Variants in CPEB2 observed in about 807,000 individuals in gnomAD.
CPEB2 encodes the protein cytoplasmic polyadenylation element binding protein 2, also known as cytoplasmic polyadenylation element-binding protein 2.
In CPEB2, 56 loss-of-function variants were observed where a neutral mutation model predicts 93.6. The observed-to-expected ratio is 0.60, with a 90% CI of 0.48 to 0.75. The LOEUF (loss-of-function observed/expected upper bound fraction) is 0.75. Ranked by LOEUF, CPEB2 falls within the 30% of genes least tolerant of loss-of-function variation. The probability of loss-of-function intolerance (pLI) is 0.00; values close to 1 mark genes in which losing one functional copy is unlikely to be tolerated. For synonymous variants in CPEB2, 764 were observed against 586.3 expected (o/e 1.30, Z -4.38); for missense variants, 1,579 against 1,395.1 (o/e 1.13, Z -2.10).
intron 3 of CPEB2, 114 bp from the exon 4 acceptor site, chr4:15,017,070 GATTA>G (rs1348411221): frequency 9.2e-5 from 58 of 631,066 alleles, no homozygotes; most frequent in Admixed American, 2.3e-4. Flanking sequence ...GTGGGATACA[GATTA>G]ATTAGTAATA....
In CPEB2 at chr4:15,004,089, C is replaced by A; in HGVS notation, c.1416C>A (p.Gly472=). 2 of 1,562,972 alleles carry A rather than the reference C, an allele frequency of 1.3e-6. No homozygotes were observed. Residue 472 remains glycine (G), a synonymous_variant, in exon 1 of 12, where the codon GGC becomes GGA. Transcript: ENST00000538197. ...FPSFSPVSPH[G]CTGLSVPTSG... The stretch of plus-strand genomic sequence containing the variant: ...GCTTCTCGCCCGTGTCGCCGCACGG[C>A]TGCACTGGGCTCAGCGTTCCGACGA...
intron 5 of CPEB2, among the ~76,000 whole-genome samples, chr4:15,039,924 T>C (rs988194146): frequency 6.6e-6 from 1 of 152,172 alleles, no homozygotes; most frequent in African/African-American, 2.4e-5. Context: ...CTGTCTAATC[T>C]GTACAGGCTT....
Position 15,003,305 on chromosome 4 carries a change from C to T in CPEB2, c.632C>T (p.Pro211Leu). 7.0e-7 allele frequency: 1 copy of T among 1,435,648 alleles called. No homozygotes were observed. The highest frequency in any genetic ancestry group is 9.0e-7 in the Non-Finnish European group (1 of 1,108,170). The allele number at this position is 1,435,648 out of a possible 1,614,324, so 88.9% of individuals were successfully genotyped here. The change falls in exon 1 of 12, where the codon CCG becomes CTG. Residue 211 changes from proline to leucine, a missense_variant. By Grantham distance (98) the Pro-to-Leu change is moderately conservative (BLOSUM62 -3). Coordinates refer to ENST00000538197, the MANE Select transcript of CPEB2 (RefSeq NM_001177382.2). Reference protein sequence around the residue: ...PLHCPGRFSPPPPPAGPLLQP... With the variant: ...PLHCPGRFSPLPPPAGPLLQP... ...CACTGCCCCGGTCGGTTCAGCCCGC[C>T]GCCGCCGCCAGCCGGCCCGCTCCTC...
intron 6 of CPEB2, among the ~76,000 whole-genome samples, chr4:15,042,077 A>G (rs1248382905): frequency 2.0e-5 from 3 of 152,196 alleles, no homozygotes; most frequent in Admixed American, 6.5e-5. Flanking sequence ...AATTTTAGTA[A>G]TGGAGCTTCA....
In CPEB2 at chr4:15,069,767, C is replaced by G. The variant is rs1279319496; in HGVS notation, c.*3387C>G. The stretch of plus-strand genomic sequence containing the variant: ...TATTAAAGCAACTAGTTTCTAATTC[C>G]CAGTTTCTGTATAGAATCGCACAAG... On this transcript the variant is annotated 3_prime_UTR_variant, in exon 12 of 12. Coordinates refer to ENST00000538197, the MANE Select transcript of CPEB2 (RefSeq NM_001177382.2). The G allele has an allele frequency of 6.6e-6, 1 of 151,828 alleles. No homozygotes were observed. The highest frequency in any genetic ancestry group is 2.4e-5 in the African/African-American group (1 of 41,280). The allele number at this position is 151,828 out of a possible 1,614,324, so 9.4% of individuals were successfully genotyped here. A position where few individuals can be genotyped will look rare whatever the true frequency, so the allele number is the denominator to read the frequency against.
At position 15,002,548 on chromosome 4, in the gene CPEB2, G is replaced by C; in HGVS notation, c.-126G>C. ...GCCGAAGTCGGTGCCCCCTGGCTCA[G>C]TCACGGTGTCCCTCTCTCACTGACT... On this transcript the variant is annotated 5_prime_UTR_variant, in exon 1 of 12. Coordinates refer to ENST00000538197, the MANE Select transcript of CPEB2 (RefSeq NM_001177382.2). 1 of 746,750 alleles carries C rather than the reference G, an allele frequency of 1.3e-6. No individual in the cohort carries two copies. Among genetic ancestry groups the C allele is most frequent in the African/African-American group, 1.9e-5 (1 of 53,410 alleles). The allele number at this position is 746,750 out of a possible 1,614,324, so 46.3% of individuals were successfully genotyped here. A position where few individuals can be genotyped will look rare whatever the true frequency, so the allele number is the denominator to read the frequency against.
chr4:15,052,728 T>G (rs1728345534), intron 7 of CPEB2, 144 bp downstream of exon 7: 1 of 454,318 alleles, frequency 2.2e-6, no homozygotes, highest in South Asian at 7.6e-5. Context: ...TTTAAAATAC[T>G]TTATCACCTG....
In CPEB2 at chr4:15,062,704, C is replaced by T. The variant is rs893362903; in HGVS notation, c.2877+444C>T. 2.0e-5 allele frequency among the ~76,000 whole-genome samples: 3 copies of T among 152,064 alleles called. No homozygotes were observed. In the East Asian group the frequency reaches 5.8e-4, roughly 29 times the overall value. The stretch of plus-strand genomic sequence containing the variant: ...AAATGAATTTACATATATATAAGCA[C>T]TTAGAATAGAACTTGACGGAGAGTG... On this transcript the variant is annotated intron_variant, in intron 11 of 11. Transcript: ENST00000538197.
chr4:15,065,839 C>T (rs1046929741), intron 11 of CPEB2, among the ~76,000 whole-genome samples: 3 of 152,058 alleles, frequency 2.0e-5, no homozygotes, highest in Non-Finnish European at 4.4e-5. Flanking sequence ...GGTGTGGAAA[C>T]TGTCTTCCAT....
chr4:15,060,676 A>G (rs1188401659), intron 10 of CPEB2, among the ~76,000 whole-genome samples: 1 of 152,134 alleles, frequency 6.6e-6, no homozygotes, highest in Non-Finnish European at 1.5e-5. Context: ...CACCATTCAG[A>G]GCTCCCAAAT....
intron 3 of CPEB2, among the ~76,000 whole-genome samples, chr4:15,013,116 C>A (rs1723697801): frequency 6.6e-6 from 1 of 151,660 alleles, no homozygotes. Flanking sequence ...TGTTTTTCAG[C>A]CTTTCTAAGC....
intron 3 of CPEB2, among the ~76,000 whole-genome samples, chr4:15,014,798 C>A (rs1235281815): frequency 6.6e-6 from 1 of 151,950 alleles, no homozygotes; most frequent in Non-Finnish European, 1.5e-5. Flanking sequence ...TTTAGTGGGA[C>A]AGACAGGAAA....
At chr4:15,060,138 G>A (rs1220232016) in intron 10 of CPEB2, among the ~76,000 whole-genome samples, 1 of 152,142 alleles carries the variant, frequency 6.6e-6, no homozygotes, top group Non-Finnish European at 1.5e-5. Context: ...TCACAGAAAG[G>A]GAACAGCTTA....
rs374334724 is a variant in CPEB2, at chr4:15,059,648, C to G, written c.2695+347C>G. 7.4e-5 allele frequency among the ~76,000 whole-genome samples: 11 copies of G among 149,408 alleles called. No homozygotes were observed. The South Asian group carries it at 2.4e-3, about 32-fold the overall frequency. On this transcript the variant is annotated intron_variant, in intron 10 of 11. Transcript: ENST00000538197. Reference sequence around the variant, plus strand: ...ATTTTGTGTAGATCGATTCTGATATCTGAAAAAGAAATATGGGATTTTTTT... The same window carrying G: ...ATTTTGTGTAGATCGATTCTGATATGTGAAAAAGAAATATGGGATTTTTTT...
chr4:15,062,009 A>C, intron 10 of CPEB2, 70 bp from the exon 11 acceptor site: 3 of 1,380,520 alleles, frequency 2.2e-6, no homozygotes, highest in Non-Finnish European at 3.0e-6. Flanking sequence ...TACGTTTTAC[A>C]AAAAGTACTT....
In CPEB2 at chr4:15,029,754, C is replaced by T. The variant is rs576255645; in HGVS notation, c.2126-3407C>T. On this transcript the variant is annotated intron_variant, in intron 4 of 11. Coordinates refer to ENST00000538197, the MANE Select transcript of CPEB2 (RefSeq NM_001177382.2). ...TGGTGATTTTCATGGATTGAAGCTCCTTTTTATCTCATTCTTCTATTATCC... is the reference window on the plus strand; with the variant it reads ...TGGTGATTTTCATGGATTGAAGCTCTTTTTTATCTCATTCTTCTATTATCC... Among the ~76,000 whole-genome samples the T allele has an allele frequency of 2.6e-5, 4 of 152,168 alleles. No individual in the cohort carries two copies. The South Asian group carries it at 8.3e-4, about 32-fold the overall frequency.
At position 15,002,781 on chromosome 4, in the gene CPEB2, C is replaced by T; in HGVS notation, c.108C>T (p.Val36=). ...EAYGPYAVGS[V]NPLPSATPFG... ...ATGGTCCTTACGCCGTGGGGTCCGT[C>T]AACCCGCTGCCCTCCGCCACGCCCT... is the stretch of plus-strand genomic sequence containing the variant. Residue 36 remains valine, a synonymous_variant, in exon 1 of 12, where the codon GTC becomes GTT. Transcript: ENST00000538197. The T allele has an allele frequency of 6.5e-7, 1 of 1,535,630 alleles. No individual in the cohort carries two copies. Among genetic ancestry groups the T allele is most frequent in the Admixed American group, 2.0e-5 (1 of 50,986 alleles).
At chr4:15,017,081 A>T (rs1174345878) in intron 3 of CPEB2, 107 bp from the exon 4 acceptor site, 1 of 650,110 alleles carries the variant, frequency 1.5e-6, no homozygotes, top group African/African-American at 1.8e-5. Flanking sequence ...ATTAATTAGT[A>T]ATAATCAGAA....
chr4:15,016,903 A>G (rs1055422203), intron 3 of CPEB2, among the ~76,000 whole-genome samples: 1 of 151,986 alleles, frequency 6.6e-6, no homozygotes, highest in Admixed American at 6.6e-5. Flanking sequence ...TTATAGAGAA[A>G]AGTAACTATA....
Sources: gnomAD v4.1 joint callset for allele counts (sites outside exome capture counted in the v4.1 genomes callset) on GRCh38, gnomAD v4.1.1 for gene constraint, MANE v1.5 for transcripts, NCBI Gene and HGNC (gene_info 2026-07-23, HGNC 2026-07-21) for gene names.